UNC80: variants seen among roughly 807,000 people sequenced by gnomAD.
The protein encoded by UNC80 is protein unc-80 homolog.
Under a neutral mutation model 384.6 loss-of-function variants are expected in UNC80, and 164 were observed. That is an observed-to-expected ratio of 0.43 (90% CI 0.38 to 0.49). The LOEUF is 0.49. UNC80 is among the 20% of genes least tolerant of loss of function. The probability of loss-of-function intolerance (pLI) is 0.00; values close to 1 mark genes in which losing one functional copy is unlikely to be tolerated. For missense variants in UNC80, 3,330 were observed against 4,143.0 expected, an observed-to-expected ratio of 0.80 and a Z score of 5.39; for synonymous variants, 1,486 against 1,527.8, an observed-to-expected ratio of 0.97 and a Z score of 0.64.
chr2:209,871,695 G>C (rs2084307593), intron 22 of UNC80, among the ~76,000 whole-genome samples: 1 of 151,798 alleles, frequency 6.6e-6, no homozygotes, highest in South Asian at 2.1e-4. Flanking sequence ...GACCTTCTAT[G>C]GAAAACTTCT....
chr2:209,914,887 AT>A (rs757901313), intron 31 of UNC80, among the ~76,000 whole-genome samples: 1 of 152,076 alleles, frequency 6.6e-6, no homozygotes, highest in Non-Finnish European at 1.5e-5. Context: ...ACATATTGTA[AT>A]TTATTTAAAC....
intron 13 of UNC80, among the ~76,000 whole-genome samples, chr2:209,822,967 T>C (rs1002093941): frequency 6.6e-6 from 1 of 152,176 alleles, no homozygotes; most frequent in African/African-American, 2.4e-5. Context: ...ATTTATAAAA[T>C]AAAACCTGAT....
chr2:209,987,988 A>G (rs1362846420), intron 61 of UNC80, among the ~76,000 whole-genome samples: 1 of 152,214 alleles, frequency 6.6e-6, no homozygotes, highest in South Asian at 2.1e-4. Flanking sequence ...CAGGATATCT[A>G]AGATCCAGAT....
chr2:209,939,369 T>C (rs2091470814), intron 42 of UNC80, 103 bp from the exon 43 acceptor site: 2 of 1,228,628 alleles, frequency 1.6e-6, no homozygotes. Context: ...TCCGACTTTA[T>C]CAACCCAGTT....
chr2:209,926,899 G>A lies in UNC80; in HGVS notation c.5719G>A (p.Ala1907Thr), dbSNP rs1476475256. The change falls in exon 36 of 65, where the codon GCA becomes ACA. Residue 1907 changes from alanine (A) to threonine (T), a missense_variant. Physicochemically the swap from Ala to Thr is moderately conservative, Grantham distance 58 (BLOSUM62 0). Around this residue, in one of 8 missense-constraint regions of UNC80, gnomAD observed 1,049 missense variants for 1,488.6 expected, o/e 0.70. Coordinates refer to ENST00000673920, the MANE Select transcript of UNC80 (RefSeq NM_001371986.1). ...CCACCATGTGCCTCAGCCCCCACAA[G>A]CAGTGTTCCCAGCATGCATCTGTGC... ...PNHHVPQPPQ[A>T]VFPACICAAV... The A allele has an allele frequency of 3.9e-6, 6 of 1,552,238 alleles. No individual in the cohort carries two copies. Among genetic ancestry groups the A allele is most frequent in the African/African-American group, 1.4e-5 (1 of 73,148 alleles).
intron 47 of UNC80, among the ~76,000 whole-genome samples, chr2:209,948,816 A>G (rs1446421912): frequency 2.6e-5 from 4 of 152,144 alleles, no homozygotes; most frequent in African/African-American, 7.2e-5. Flanking sequence ...ATATACCTGT[A>G]AAGATTAAGG....
chr2:209,827,498 G>C (rs2080623172), intron 14 of UNC80, among the ~76,000 whole-genome samples: 1 of 152,096 alleles, frequency 6.6e-6, no homozygotes. Flanking sequence ...TCCTCCCCAG[G>C]AGCACCGAAC....
intron 11 of UNC80, 104 bp from the exon 12 acceptor site, chr2:209,818,889 A>C: frequency 1.5e-6 from 2 of 1,328,034 alleles, no homozygotes; most frequent in Non-Finnish European, 2.0e-6. Flanking sequence ...ATTTTCAAAA[A>C]CTACAGCTGT....
At chr2:209,938,658 G>T (rs2091406978) in intron 42 of UNC80, among the ~76,000 whole-genome samples, 1 of 148,296 alleles carries the variant, frequency 6.7e-6, no homozygotes. Context: ...AATCAATAAT[G>T]GTGCTTGCCT....
intron 5 of UNC80, among the ~76,000 whole-genome samples, chr2:209,786,978 AGCATATATATAT>A (rs1175425694): frequency 2.2e-5 from 2 of 92,352 alleles, no homozygotes; most frequent in Admixed American, 1.5e-4. Flanking sequence ...AATCTACAGA[AGCATATATATAT>A]ATATATATAT....
At chr2:209,799,200 T>A (rs1427634467) in intron 7 of UNC80, among the ~76,000 whole-genome samples, 1 of 152,068 alleles carries the variant, frequency 6.6e-6, no homozygotes, top group African/African-American at 2.4e-5. Context: ...ATTCTTCCTA[T>A]TCAGGAAGAT....
chr2:209,954,383 A>G, intron 48 of UNC80, 113 bp downstream of exon 48: 1 of 1,101,448 alleles, frequency 9.1e-7, no homozygotes. Flanking sequence ...CTTTATTTAC[A>G]GATACCTCCT....
At position 209,872,931 on chromosome 2, in the gene UNC80, G is replaced by T; in HGVS notation, c.3801G>T (p.Leu1267=). Residue 1267 remains leucine (L), a synonymous_variant, in exon 23 of 65, where the codon CTG becomes CTT. Coordinates refer to ENST00000673920, the MANE Select transcript of UNC80 (RefSeq NM_001371986.1). The surrounding 1 kb of genome is among the most constrained non-coding windows in gnomAD (Gnocchi z 4.1). ...TGGGCAACAAGCGAAACCAGAAGCT[G>T]CAGTGGAATGCAGCCAAGCTCTTCT... ...PIVGNKRNQK[L]QWNAAKLFYQ... is the part of the protein sequence containing the mutation. 1 of 1,551,656 alleles carries T rather than the reference G, an allele frequency of 6.4e-7. No individual in the cohort carries two copies. The highest frequency in any genetic ancestry group is 8.7e-7 in the Non-Finnish European group (1 of 1,146,970).
At chr2:209,878,514 A>G (rs1040232491) in intron 24 of UNC80, among the ~76,000 whole-genome samples, 4 of 152,224 alleles carry the variant, frequency 2.6e-5, no homozygotes, top group African/African-American at 9.6e-5. Flanking sequence ...ATATTTTCCA[A>G]ATCACTAAAA....
intron 25 of UNC80, among the ~76,000 whole-genome samples, chr2:209,882,892 A>C (rs923111535): frequency 6.6e-6 from 1 of 152,188 alleles, no homozygotes; most frequent in African/African-American, 2.4e-5. Context: ...TTATTGTAAC[A>C]AATTTATTTT....
intron 29 of UNC80, among the ~76,000 whole-genome samples, chr2:209,907,136 A>G (rs959833103): frequency 5.3e-5 from 8 of 152,134 alleles, no homozygotes; most frequent in Admixed American, 5.2e-4. Context: ...TCCTTCTTCA[A>G]CTAAATTATA....
intron 34 of UNC80, 109 bp downstream of exon 34, chr2:209,921,795 A>ATC (rs2124953361): frequency 1.6e-6 from 2 of 1,241,376 alleles, no homozygotes; most frequent in East Asian, 5.2e-5. Flanking sequence ...GCCCCCTTCC[A>ATC]TCTCTCTCTC....
At chr2:209,965,587 AT>A (rs1169648014) in intron 51 of UNC80, among the ~76,000 whole-genome samples, 1 of 151,482 alleles carries the variant, frequency 6.6e-6, no homozygotes, top group Non-Finnish European at 1.5e-5. Context: ...CGCCCAGCTA[AT>A]TTTTTTGTAT....
chr2:209,928,173 T>C (rs776176640), intron 36 of UNC80, among the ~76,000 whole-genome samples: 1 of 151,936 alleles, frequency 6.6e-6, no homozygotes, highest in Admixed American at 6.6e-5. Flanking sequence ...CTGTCTCTAC[T>C]AAAAATACAA....
Sources: gnomAD v4.1 joint callset for allele counts (sites outside exome capture counted in the v4.1 genomes callset) on GRCh38, gnomAD v4.1.1 for gene constraint, gnomAD v4.1.1 regional missense constraint, Gnocchi (gnomAD v3.1) non-coding constraint, MANE v1.5 for transcripts, NCBI Gene and HGNC (gene_info 2026-07-23, HGNC 2026-07-21) for gene names.